The following RBM22 variants were observed in gnomAD, a reference collection of about 807,000 sequenced individuals.
RBM22 encodes pre-mRNA-splicing factor RBM22.
A neutral mutation model predicts 50.1 loss-of-function variants in RBM22; 1 was observed. The observed-to-expected ratio is 0.02, with a 90% CI of 0.01 to 0.09. RBM22 has a LOEUF of 0.09. Among genes scored for constraint, RBM22 ranks in the 10% least tolerant of loss-of-function variants. The pLI is 1.00. For missense variants in RBM22, 264 were observed against 529.3 expected (o/e 0.50, Z 4.92); for synonymous variants, 152 against 179.0 (o/e 0.85, Z 1.20).
At position 150,695,584 on chromosome 5, in the gene RBM22, A is replaced by G; in HGVS notation, c.668T>C (p.Leu223Pro). The change falls in exon 7 of 11, where the codon CTG (leucine) becomes CCG (proline). Residue 223 changes from leucine to proline, a missense_variant. Coordinates refer to ENST00000199814, the MANE Select transcript of RBM22 (RefSeq NM_018047.3). ...LLKRASTMPR[L>P]DPPEDKTITT... The stretch of plus-strand genomic sequence containing the variant: ...GATAGTTTTATCCTCTGGTGGGTCC[A>G]GCCGAGGCATTGTTGAAGCCCGCTT... 1 of 1,613,992 alleles carries G rather than the reference A, an allele frequency of 6.2e-7. No homozygotes were observed. The highest frequency in any genetic ancestry group is 2.2e-5 in the East Asian group (1 of 44,862).
intron 10 of RBM22, among the ~76,000 whole-genome samples, chr5:150,692,299 G>A (rs1167834424): frequency 1.3e-5 from 2 of 152,166 alleles, no homozygotes; most frequent in Non-Finnish European, 2.9e-5. Context: ...TCTGCCACAG[G>A]AGAACTGGCT....
Position 150,691,562 on chromosome 5 carries a change from C to G in RBM22, c.*189G>C, listed in dbSNP as rs1581544586. The stretch of plus-strand genomic sequence containing the variant: ...CAGTAACCAGATGTGTTAATGGCAG[C>G]TTATTTACGGTCCATCGATCCTTTG... On this transcript the variant is annotated 3_prime_UTR_variant, in exon 11 of 11. Coordinates refer to ENST00000199814, the MANE Select transcript of RBM22 (RefSeq NM_018047.3). 4 of 629,882 alleles carry G rather than the reference C, an allele frequency of 6.4e-6. No homozygotes were observed. The allele number at this position is 629,882 out of a possible 1,614,324, so 39.0% of individuals were successfully genotyped here.
chr5:150,698,372 C>G (rs1247496660), intron 4 of RBM22, 127 bp downstream of exon 4: 16 of 1,237,262 alleles, frequency 1.3e-5, no homozygotes, highest in East Asian at 2.4e-5. Context: ...CTGGGAAAAG[C>G]AGACCACGGC....
Position 150,698,752 on chromosome 5 carries a change from G to C in RBM22, c.139-121C>G, listed in dbSNP as rs146345672. On this transcript the variant is annotated intron_variant, in intron 3 of 10. Coordinates refer to ENST00000199814, the MANE Select transcript of RBM22 (RefSeq NM_018047.3). The stretch of plus-strand genomic sequence containing the variant: ...AATGTAGGATTTAGAAGAGACCTTA[G>C]CAATCATCTAGTTGATTTGATGTTT... The C allele has an allele frequency of 2.4e-4, 304 of 1,255,852 alleles. 1 individual carries two copies. The African/African-American group carries it at 4.2e-3, about 17-fold the overall frequency. 77.8% of individuals were successfully genotyped at this position (1,255,852 alleles called of 1,614,324 possible). A position where few individuals can be genotyped will look rare whatever the true frequency, so the allele number is the denominator to read the frequency against.
chr5:150,695,304 C>CAA (rs1188440062), intron 7 of RBM22: 1 of 573,608 alleles, frequency 1.7e-6, no homozygotes, highest in Non-Finnish European at 3.1e-6. Flanking sequence ...GCATGAGGCA[C>CAA]TGTGCCCAGC....
intron 4 of RBM22, among the ~76,000 whole-genome samples, 166 bp downstream of exon 4, chr5:150,698,333 T>C (rs1381016386): frequency 3.3e-5 from 5 of 152,156 alleles, no homozygotes; most frequent in African/African-American, 1.2e-4. Flanking sequence ...TGTTCAGGAC[T>C]CTAGAGTGGC....
chr5:150,700,408 G>A, intron 2 of RBM22, 36 bp downstream of exon 2: 1 of 1,567,920 alleles, frequency 6.4e-7, no homozygotes, highest in Non-Finnish European at 8.8e-7. Flanking sequence ...AACATCGACA[G>A]GACATGAATA....
rs201616911 is a variant in RBM22 at position 150,695,745 on chromosome 5, G to A, written c.546-39C>T. On this transcript the variant is annotated intron_variant, in intron 6 of 10. Coordinates refer to ENST00000199814, the MANE Select transcript of RBM22 (RefSeq NM_018047.3). ...AAAAAACAAGGCATAAAGGTGAAAC[G>A]AAGGTGAAAAAATGATTATCTTCCA... The A allele has an allele frequency of 1.3e-4, 192 of 1,507,466 alleles. No homozygotes were observed. The East Asian group carries it at 3.4e-3, about 27-fold the overall frequency. The allele number at this position is 1,507,466 out of a possible 1,614,324, so 93.4% of individuals were successfully genotyped here.
At chr5:150,698,221 T>G (rs1759302030) in intron 4 of RBM22, among the ~76,000 whole-genome samples, 1 of 152,170 alleles carries the variant, frequency 6.6e-6, no homozygotes, top group South Asian at 2.1e-4. Flanking sequence ...GCAAATAAAT[T>G]ATCTATCATA....
At position 150,690,805 on chromosome 5, in the gene RBM22, C is replaced by T. The variant is rs867241174; in HGVS notation, c.*946G>A. ...CATGACAACATGTGAAAAATTGACC[C>T]GTTTTAATTATTTAAAAACAAAAAA... On this transcript the variant is annotated 3_prime_UTR_variant, in exon 11 of 11. Transcript: ENST00000199814. 6.6e-6 allele frequency: 1 copy of T among 152,140 alleles called. No individual in the cohort carries two copies. Among genetic ancestry groups the T allele is most frequent in the East Asian group, 1.9e-4 (1 of 5,330 alleles). The allele number at this position is 152,140 out of a possible 1,614,324, so 9.4% of individuals were successfully genotyped here. A position where few individuals can be genotyped will look rare whatever the true frequency, so the allele number is the denominator to read the frequency against.
In RBM22 at chr5:150,694,091, T is replaced by C. The variant is rs758720589; in HGVS notation, c.896A>G (p.Asn299Ser). 2 of 1,612,288 alleles carry C rather than the reference T, an allele frequency of 1.2e-6. No homozygotes were observed. The highest frequency in any genetic ancestry group is 1.7e-6 in the Non-Finnish European group (2 of 1,179,578). Residue 299 changes from asparagine to serine, a missense_variant, in exon 8 of 11, where the codon AAT becomes AGT. Physicochemically the swap from Asn to Ser is conservative, Grantham distance 46. Coordinates refer to ENST00000199814, the MANE Select transcript of RBM22 (RefSeq NM_018047.3). Reference protein sequence around the residue: ...NKLIVNGRRLNVKWGRSQAAR... With the variant: ...NKLIVNGRRLSVKWGRSQAAR... ...TAATTCTCACCTTCCCCATTTCACA[T>C]TCAGTCTGCGGCCATTTACAATCAA...
chr5:150,699,223 CT>C lies in RBM22; in HGVS notation c.138+18del. ...GAAAAATGAAACAGAAATCATTACT[CT>C]TTAACAGACATACTTACTTTGCATT... On this transcript the variant is annotated intron_variant, in intron 3 of 10. Coordinates refer to ENST00000199814, the MANE Select transcript of RBM22 (RefSeq NM_018047.3). 6.3e-7 allele frequency: 1 copy of C among 1,584,678 alleles called. No homozygotes were observed. The highest frequency in any genetic ancestry group is 8.6e-7 in the Non-Finnish European group (1 of 1,167,752).
chr5:150,699,033 T>G (rs774423468), intron 3 of RBM22, among the ~76,000 whole-genome samples: 1 of 152,124 alleles, frequency 6.6e-6, no homozygotes, highest in African/African-American at 2.4e-5. Flanking sequence ...GCCCATCCAC[T>G]GACACCGTAA....
chr5:150,697,694 C>T (rs1159735587), intron 4 of RBM22: 4 of 314,008 alleles, frequency 1.3e-5, no homozygotes, highest in East Asian at 1.3e-4. Context: ...AGAAGAGTAA[C>T]TCTAATGAAC....
chr5:150,698,392 A>C (rs1233104978), intron 4 of RBM22, 107 bp downstream of exon 4: 2 of 1,401,914 alleles, frequency 1.4e-6, no homozygotes, highest in South Asian at 2.6e-5. Flanking sequence ...CAGACATTCC[A>C]AAGTGAAATC....
intron 8 of RBM22, among the ~76,000 whole-genome samples, chr5:150,693,651 G>C (rs1759238390): frequency 6.6e-6 from 1 of 152,138 alleles, no homozygotes; most frequent in Admixed American, 6.5e-5. Context: ...CTTTGAACTG[G>C]GTCTTTCACC....
At chr5:150,700,723 A>C (rs1453895460) in intron 1 of RBM22, 11 of 1,535,350 alleles carry the variant, frequency 7.2e-6, no homozygotes, top group Middle Eastern at 1.7e-4. Context: ...CAGGGATGGA[A>C]AGGGTGCTGG....
intron 2 of RBM22, 95 bp downstream of exon 2, chr5:150,700,349 A>T: frequency 2.4e-6 from 3 of 1,273,312 alleles, no homozygotes; most frequent in Non-Finnish European, 3.3e-6. Flanking sequence ...AAAGAGCATC[A>T]TTTTTTCTGC....
intron 3 of RBM22, 63 bp from the exon 4 acceptor site, chr5:150,698,694 G>C (rs1332709065): frequency 6.3e-7 from 1 of 1,581,130 alleles, no homozygotes; most frequent in Non-Finnish European, 8.6e-7. Flanking sequence ...CTGGAGATCT[G>C]ATAACAACGG....
Sources: gnomAD v4.1 joint callset for allele counts (sites outside exome capture counted in the v4.1 genomes callset) on GRCh38, gnomAD v4.1.1 for gene constraint, MANE v1.5 for transcripts, NCBI Gene and HGNC (gene_info 2026-07-23, HGNC 2026-07-21) for gene names.